Variants in MYO16 observed in about 807,000 individuals in gnomAD.
The protein encoded by MYO16 is unconventional myosin-XVI.
A neutral mutation model predicts 205.3 loss-of-function variants in MYO16; 94 were observed. The observed-to-expected ratio is 0.46, with a 90% CI of 0.39 to 0.54. The LOEUF (loss-of-function observed/expected upper bound fraction) is 0.54. Ranked by LOEUF, MYO16 falls within the 20% of genes least tolerant of loss-of-function variation. The probability of loss-of-function intolerance (pLI) is 0.00; values close to 1 mark genes in which losing one functional copy is unlikely to be tolerated. For missense variants in MYO16, 2,315 were observed against 2,387.5 expected (o/e 0.97, Z 0.63); for synonymous variants, 988 against 954.0 (o/e 1.04, Z -0.66).
chr13:108,527,642 A>G, the MYO16 span, among the ~76,000 whole-genome samples: 2 of 152,320 alleles, frequency 1.3e-5, no homozygotes, highest in Non-Finnish European at 2.9e-5. Context: ...ATGAGTGATC[A>G]TTTTGTATAC....
intron 16 of MYO16, among the ~76,000 whole-genome samples, chr13:108,912,445 C>T (rs372650050): frequency 1.3e-5 from 2 of 151,966 alleles, no homozygotes; most frequent in African/African-American, 4.8e-5. Flanking sequence ...TATGGTAACC[C>T]AGGCAAAAGT....
chr13:109,139,879 T>A, intron 31 of MYO16, among the ~76,000 whole-genome samples: 1 of 152,090 alleles, frequency 6.6e-6, no homozygotes, highest in East Asian at 1.9e-4. Context: ...CAAGGTCGTC[T>A]GGCTATTTAT....
chr13:109,182,061 G>A (rs1446033289), intron 34 of MYO16, among the ~76,000 whole-genome samples: 4 of 151,918 alleles, frequency 2.6e-5, no homozygotes, highest in South Asian at 2.1e-4. Context: ...TCAGTGATCC[G>A]TCCGCCTCGG....
At chr13:109,167,494 G>C (rs1319706207) in intron 33 of MYO16, among the ~76,000 whole-genome samples, 1 of 152,196 alleles carries the variant, frequency 6.6e-6, no homozygotes, top group African/African-American at 2.4e-5. Flanking sequence ...GTAATGGCAG[G>C]AGATGAAGTT....
At chr13:108,861,226 T>G (rs1566374734) in intron 11 of MYO16, among the ~76,000 whole-genome samples, 1 of 152,210 alleles carries the variant, frequency 6.6e-6, no homozygotes, top group African/African-American at 2.4e-5. Context: ...TTACAAAATA[T>G]TCTGACATTT....
In MYO16 at chr13:109,079,387, G is replaced by GT. The variant is rs34736383; in HGVS notation, c.3336-21386dup. On this transcript the variant is annotated intron_variant, in intron 27 of 34. Transcript: ENST00000457511. Reference sequence around the variant, plus strand: ...TCTATATGAGTTACCTACTGTATGGGTTTTTTTTTTTTAACTATTAAATTG... The same window carrying GT: ...TCTATATGAGTTACCTACTGTATGGGTTTTTTTTTTTTTAACTATTAAATTG... Among the ~76,000 whole-genome samples, 967 of 150,452 alleles carry GT rather than the reference G, an allele frequency of 6.4e-3. 8 individuals carry two copies. Among genetic ancestry groups the GT allele is most frequent in the African/African-American group, 0.021 (868 of 40,986 alleles).
At chr13:108,825,830 G>A (rs1876232595) in intron 9 of MYO16, among the ~76,000 whole-genome samples, 1 of 89,100 alleles carries the variant, frequency 1.1e-5, no homozygotes, top group African/African-American at 2.8e-5. Flanking sequence ...TGCTTACCCA[G>A]TAGGTTAGAA....
chr13:108,844,735 C>T (rs747026988), intron 10 of MYO16, among the ~76,000 whole-genome samples: 10 of 152,110 alleles, frequency 6.6e-5, no homozygotes, highest in Non-Finnish European at 1.3e-4. Context: ...GGAATATAAG[C>T]TCAGCCAGCG....
chr13:109,142,028 T>G (rs1877124790), intron 32 of MYO16, among the ~76,000 whole-genome samples: 1 of 152,190 alleles, frequency 6.6e-6, no homozygotes, highest in Non-Finnish European at 1.5e-5. Context: ...TCCACTCAAG[T>G]GAGCTCCATG....
intron 23 of MYO16, among the ~76,000 whole-genome samples, chr13:109,042,810 C>T (rs959792664): frequency 9.2e-5 from 14 of 152,150 alleles, no homozygotes; most frequent in Admixed American, 3.9e-4. Context: ...TAATTAAGCT[C>T]ACCTGCTTCA....
At chr13:109,150,956 C>T (rs1877627064) in intron 32 of MYO16, among the ~76,000 whole-genome samples, 2 of 152,294 alleles carry the variant, frequency 1.3e-5, no homozygotes, top group Middle Eastern at 3.4e-3. Context: ...AATACAATAT[C>T]CTGGGGTTTT....
At chr13:109,145,688 CTA>C (rs1476106499) in intron 32 of MYO16, among the ~76,000 whole-genome samples, 1 of 152,208 alleles carries the variant, frequency 6.6e-6, no homozygotes, top group African/African-American at 2.4e-5. Flanking sequence ...GTTTCAAAAA[CTA>C]TGAGACCCGA....
chr13:108,883,210 G>T, intron 13 of MYO16, 24 bp downstream of exon 13: 1 of 1,605,776 alleles, frequency 6.2e-7, no homozygotes, highest in Non-Finnish European at 8.5e-7. Flanking sequence ...AACCTTGTCT[G>T]CCAGGCTCAG....
At chr13:108,627,855 G>A (rs557118118), upstream of MYO16, among the ~76,000 whole-genome samples, 1 of 152,214 alleles carries the variant, frequency 6.6e-6, no homozygotes, top group Admixed American at 6.5e-5. Context: ...CATGCAATTT[G>A]CAGAAAATTA....
At chr13:108,850,488 T>C (rs1356914840) in intron 10 of MYO16, among the ~76,000 whole-genome samples, 1 of 152,222 alleles carries the variant, frequency 6.6e-6, no homozygotes, top group Non-Finnish European at 1.5e-5. Context: ...TTTAGAAATA[T>C]ATAGAATAAA....
intron 16 of MYO16, among the ~76,000 whole-genome samples, chr13:108,941,370 G>A (rs917094047): frequency 1.4e-4 from 21 of 152,234 alleles, no homozygotes; most frequent in Middle Eastern, 3.4e-3. Context: ...ATTCTGGAGC[G>A]AAGACTGCCC....
chr13:108,949,829 A>G (rs879112867), intron 16 of MYO16, among the ~76,000 whole-genome samples: 33 of 152,192 alleles, frequency 2.2e-4, no homozygotes, highest in Admixed American at 2.0e-3. Context: ...ACAGACACAA[A>G]GATCAAAGGA....
At position 108,957,726 on chromosome 13, in the gene MYO16, G is replaced by T. The variant is rs751682496; in HGVS notation, c.1964G>T (p.Gly655Val). 8.7e-6 allele frequency: 14 copies of T among 1,613,280 alleles called. No homozygotes were observed. In the African/African-American group the frequency reaches 1.7e-4, roughly 20 times the overall value. The part of the protein sequence containing the change: ...NQTIQDDAST[G>V]ERSLNREKLA... ...ACCATACAGGATGATGCATCCACAG[G>T]GGAGCGTTCTCTGAACAGGGAGAAA... is the stretch of plus-strand genomic sequence containing the variant. The change falls in exon 17 of 35, where the codon GGG (glycine) becomes GTG (valine). Residue 655 changes from glycine to valine, a missense_variant. Physicochemically the swap from Gly to Val is moderately radical, Grantham distance 109 (BLOSUM62 -3). Coordinates refer to ENST00000457511, the MANE Select transcript of MYO16 (RefSeq NM_001198950.3).
intron 34 of MYO16, among the ~76,000 whole-genome samples, chr13:109,181,816 A>ATTTTTTTTTTTTTTTTTTTTTTT (rs61381548): frequency 7.9e-6 from 1 of 126,262 alleles, no homozygotes; most frequent in African/African-American, 3.5e-5. Context: ...TTATTTATTT[A>ATTTTTTTTTTTTTTTTTTTTTTT]TTTTATTTTA....
Sources: gnomAD v4.1 joint callset for allele counts (sites outside exome capture counted in the v4.1 genomes callset) on GRCh38, gnomAD v4.1.1 for gene constraint, MANE v1.5 for transcripts, NCBI Gene and HGNC (gene_info 2026-07-23, HGNC 2026-07-21) for gene names.